Variants in MRPL1 observed in about 807,000 individuals in gnomAD.
The protein encoded by MRPL1 is large ribosomal subunit protein uL1m.
Under a neutral mutation model 38.0 loss-of-function variants are expected in MRPL1, and 28 were observed. That is an observed-to-expected ratio of 0.74 (90% CI 0.55 to 1.01). MRPL1 has a LOEUF of 1.01. MRPL1 is among the 50% of genes least tolerant of loss of function. MRPL1 has a pLI of 0.00. For synonymous variants in MRPL1, 123 were observed against 126.7 expected (o/e 0.97, Z 0.20); for missense variants, 358 against 389.8 (o/e 0.92, Z 0.69).
intron 2 of MRPL1, among the ~76,000 whole-genome samples, chr4:77,877,417 G>A (rs375237311): frequency 6.6e-6 from 1 of 151,614 alleles, no homozygotes; most frequent in African/African-American, 2.4e-5. Context: ...TTCTTAGGGT[G>A]GGGGCTGGGT....
At chr4:77,920,861 C>G (rs570464425) in intron 7 of MRPL1, among the ~76,000 whole-genome samples, 3 of 152,132 alleles carry the variant, frequency 2.0e-5, no homozygotes, top group African/African-American at 7.2e-5. Flanking sequence ...CTCTTTGTTT[C>G]AACTGATTCT....
At chr4:77,888,982 A>C (rs182402056) in intron 5 of MRPL1, among the ~76,000 whole-genome samples, 17 of 152,318 alleles carry the variant, frequency 1.1e-4, no homozygotes, top group Admixed American at 7.2e-4. Flanking sequence ...TTCATAAAGC[A>C]AGTCCTTAGA....
chr4:77,866,181 A>G (rs1203358141), intron 1 of MRPL1, among the ~76,000 whole-genome samples: 1 of 152,072 alleles, frequency 6.6e-6, no homozygotes, highest in Non-Finnish European at 1.5e-5. Flanking sequence ...CCTCCCGAGG[A>G]GCTGGGATTA....
chr4:77,895,890 A>G (rs1735901423), intron 6 of MRPL1, among the ~76,000 whole-genome samples: 1 of 152,192 alleles, frequency 6.6e-6, no homozygotes, highest in East Asian at 1.9e-4. Flanking sequence ...AAAACTGAAC[A>G]TATTTTAAAA....
At chr4:77,928,943 G>A (rs1378510439) in intron 7 of MRPL1, among the ~76,000 whole-genome samples, 2 of 152,090 alleles carry the variant, frequency 1.3e-5, no homozygotes, top group East Asian at 1.9e-4. Context: ...AAACCATACC[G>A]TTTGAGAGAA....
chr4:77,895,024 T>C (rs1228169674), intron 6 of MRPL1, among the ~76,000 whole-genome samples: 3 of 152,052 alleles, frequency 2.0e-5, no homozygotes, highest in African/African-American at 4.8e-5. Context: ...TACATTGAAA[T>C]AGAAGAGAAT....
chr4:77,930,602 G>A (rs997324464), intron 7 of MRPL1, among the ~76,000 whole-genome samples: 1 of 152,122 alleles, frequency 6.6e-6, no homozygotes, highest in Non-Finnish European at 1.5e-5. Flanking sequence ...ACTACACAGA[G>A]GCCATAATAA....
At chr4:77,932,697 C>G (rs535440546) in intron 7 of MRPL1, among the ~76,000 whole-genome samples, 19 of 152,066 alleles carry the variant, frequency 1.2e-4, no homozygotes, top group African/African-American at 4.6e-4. Context: ...TCAGGGCCCC[C>G]ACTGATTCTA....
At chr4:77,895,208 T>G (rs371513831) in intron 6 of MRPL1, among the ~76,000 whole-genome samples, 2 of 152,230 alleles carry the variant, frequency 1.3e-5, no homozygotes, top group East Asian at 1.9e-4. Context: ...GTTTTTAAGA[T>G]AATTGAAACT....
intron 7 of MRPL1, among the ~76,000 whole-genome samples, chr4:77,940,453 T>G (rs1211375013): frequency 6.6e-6 from 1 of 152,180 alleles, no homozygotes; most frequent in Non-Finnish European, 1.5e-5. Flanking sequence ...TGAAGGAGTC[T>G]TTAGAGTTTT....
intron 7 of MRPL1, among the ~76,000 whole-genome samples, chr4:77,938,367 A>G (rs954509887): frequency 2.6e-5 from 4 of 152,186 alleles, no homozygotes; most frequent in African/African-American, 9.7e-5. Context: ...CTGCTTAGAA[A>G]CATCAAATGG....
chr4:77,938,396 G>C (rs989915613), intron 7 of MRPL1, among the ~76,000 whole-genome samples: 4 of 152,148 alleles, frequency 2.6e-5, no homozygotes, highest in African/African-American at 9.7e-5. Context: ...TGCTGACGGG[G>C]TATTTTCTAA....
intron 7 of MRPL1, among the ~76,000 whole-genome samples, chr4:77,938,981 T>G (rs1257316295): frequency 6.6e-6 from 1 of 152,144 alleles, no homozygotes; most frequent in Non-Finnish European, 1.5e-5. Context: ...AGTAAGTTCT[T>G]TAGTGGTGAT....
intron 1 of MRPL1, among the ~76,000 whole-genome samples, chr4:77,866,088 G>C (rs1735136042): frequency 6.6e-6 from 1 of 152,184 alleles, no homozygotes; most frequent in Non-Finnish European, 1.5e-5. Flanking sequence ...GTCTTGCTCT[G>C]TTGTCCAGGC....
chr4:77,911,179 C>T (rs1489768453), intron 7 of MRPL1, among the ~76,000 whole-genome samples: 1 of 152,110 alleles, frequency 6.6e-6, no homozygotes. Context: ...AAAATGGTAA[C>T]ATCTATTGTT....
intron 3 of MRPL1, 99 bp downstream of exon 3, chr4:77,883,599 G>T: frequency 8.0e-7 from 1 of 1,243,102 alleles, no homozygotes; most frequent in Non-Finnish European, 1.1e-6. Flanking sequence ...TTTTGAGACA[G>T]GGTCTTCTTG....
At chr4:77,941,790 G>C (rs968322914) in intron 7 of MRPL1, among the ~76,000 whole-genome samples, 1 of 151,766 alleles carries the variant, frequency 6.6e-6, no homozygotes, top group Non-Finnish European at 1.5e-5. Context: ...ATCATCTATC[G>C]ATTTTATTTA....
In MRPL1 at chr4:77,871,737, T is replaced by C; in HGVS notation, c.32-7T>C. ...ATGTTAATATTTTACATGTTTTTCC[T>C]TTCAAGCCTTGATACATCATCAAAG... On this transcript the variant is annotated splice_region_variant and splice_polypyrimidine_tract_variant and intron_variant, in intron 1 of 8. Transcript: ENST00000315567. 2 of 1,410,472 alleles carry C rather than the reference T, an allele frequency of 1.4e-6. No homozygotes were observed. The highest frequency in any genetic ancestry group is 1.9e-6 in the Non-Finnish European group (2 of 1,042,204). 87.4% of individuals were successfully genotyped at this position (1,410,472 alleles called of 1,614,324 possible). A position where few individuals can be genotyped will look rare whatever the true frequency, so the allele number is the denominator to read the frequency against.
chr4:77,871,678 A>C (rs1329071921), intron 1 of MRPL1, 66 bp from the exon 2 acceptor site: 1 of 750,560 alleles, frequency 1.3e-6, no homozygotes, highest in Non-Finnish European at 2.1e-6. Flanking sequence ...ACTGACTTTT[A>C]AAATTAAAAA....
Sources: gnomAD v4.1 joint callset for allele counts (sites outside exome capture counted in the v4.1 genomes callset) on GRCh38, gnomAD v4.1.1 for gene constraint, MANE v1.5 for transcripts, NCBI Gene and HGNC (gene_info 2026-07-23, HGNC 2026-07-21) for gene names.